DOCK2: variants seen among roughly 807,000 people sequenced by gnomAD.
The protein encoded by DOCK2 is dedicator of cytokinesis protein 2.
DOCK2 carries 87 observed loss-of-function variants against 248.9 expected under a neutral mutation model. That is an observed-to-expected ratio of 0.35 (90% CI 0.29 to 0.42). The LOEUF is 0.42. Ranked by LOEUF, DOCK2 falls within the 10% of genes least tolerant of loss-of-function variation. The pLI is 1.00. For missense variants in DOCK2, 1,747 were observed against 2,300.2 expected, an observed-to-expected ratio of 0.76 and a Z score of 4.92; for synonymous variants, 805 against 821.6, an observed-to-expected ratio of 0.98 and a Z score of 0.35.
At chr5:169,672,043 G>T (rs1373569395) in intron 5 of DOCK2, among the ~76,000 whole-genome samples, 2 of 151,516 alleles carry the variant, frequency 1.3e-5, no homozygotes, top group Non-Finnish European at 2.9e-5. Context: ...GTCTCGCTCT[G>T]TTGCCCAGGC....
At chr5:169,715,086 G>T (rs148238602) in intron 19 of DOCK2, among the ~76,000 whole-genome samples, 1,529 of 152,162 alleles carry the variant, frequency 0.01, 10 homozygotes, top group South Asian at 0.044. Flanking sequence ...TATTAAAGAC[G>T]GGAAAGGGAA....
chr5:169,819,030 T>A (rs1768249377), intron 26 of DOCK2, among the ~76,000 whole-genome samples: 1 of 152,180 alleles, frequency 6.6e-6, no homozygotes, highest in African/African-American at 2.4e-5. Context: ...AGTCGTCAAA[T>A]GTATTAGTAG....
chr5:169,651,536 G>C (rs941639111), intron 1 of DOCK2, among the ~76,000 whole-genome samples: 1 of 152,138 alleles, frequency 6.6e-6, no homozygotes, highest in African/African-American at 2.4e-5. Flanking sequence ...TGATTTGCTC[G>C]TGCTCCAGAG....
chr5:169,889,777 CTTTA>C (rs1773179881), intron 27 of DOCK2, among the ~76,000 whole-genome samples: 1 of 152,166 alleles, frequency 6.6e-6, no homozygotes, highest in Admixed American at 6.5e-5. Flanking sequence ...TCCAATAAAA[CTTTA>C]TTTATAAAAT....
intron 33 of DOCK2, among the ~76,000 whole-genome samples, chr5:170,020,782 G>A (rs1375311717): frequency 6.6e-6 from 1 of 152,232 alleles, no homozygotes; most frequent in Non-Finnish European, 1.5e-5. Context: ...TGCTAGAGCA[G>A]TGCTTTCCCT....
At chr5:169,779,290 A>G (rs1158096409) in intron 25 of DOCK2, 1 of 152,154 alleles carries the variant, frequency 6.6e-6, no homozygotes, top group African/African-American at 2.4e-5. Context: ...CCACATACCA[A>G]TTTACTTACC....
intron 27 of DOCK2, among the ~76,000 whole-genome samples, chr5:169,942,266 TTC>T (rs2113707585): frequency 6.6e-6 from 1 of 152,312 alleles, no homozygotes; most frequent in East Asian, 1.9e-4. Context: ...CCTTGGTCTA[TTC>T]TCTCTCTGCA....
chr5:170,038,632 C>T (rs969232126), intron 36 of DOCK2, among the ~76,000 whole-genome samples: 39 of 152,292 alleles, frequency 2.6e-4, no homozygotes, highest in African/African-American at 8.9e-4. Context: ...GACATCATCT[C>T]TATTCCCTAC....
At chr5:169,953,461 C>T (rs139015251) in intron 27 of DOCK2, among the ~76,000 whole-genome samples, 21 of 152,094 alleles carry the variant, frequency 1.4e-4, no homozygotes, top group Admixed American at 4.6e-4. Context: ...TCTCTAAACC[C>T]GCAATTCCCT....
chr5:169,987,863 C>G (rs969126281), intron 29 of DOCK2, among the ~76,000 whole-genome samples: 4 of 152,156 alleles, frequency 2.6e-5, no homozygotes, highest in Non-Finnish European at 5.9e-5. Context: ...TAGAACACAG[C>G]CTGGGCTTCA....
At chr5:169,907,100 C>T (rs139168922) in intron 27 of DOCK2, among the ~76,000 whole-genome samples, 10 of 152,214 alleles carry the variant, frequency 6.6e-5, no homozygotes, top group African/African-American at 1.4e-4. Flanking sequence ...GTTTTAGGAA[C>T]GCCAGTTGAA....
At chr5:169,787,996 C>G (rs1766093320) in intron 25 of DOCK2, among the ~76,000 whole-genome samples, 1 of 152,136 alleles carries the variant, frequency 6.6e-6, no homozygotes, top group South Asian at 2.1e-4. Context: ...TAAACTGATG[C>G]TTACCCATTT....
intron 22 of DOCK2, among the ~76,000 whole-genome samples, chr5:169,736,292 A>G (rs1380860816): frequency 6.6e-6 from 1 of 152,176 alleles, no homozygotes; most frequent in Non-Finnish European, 1.5e-5. Context: ...GTTTCAGGCC[A>G]GGTATGCACA....
At chr5:170,059,191 A>T (rs1220971040) in intron 44 of DOCK2, among the ~76,000 whole-genome samples, 1 of 74,058 alleles carries the variant, frequency 1.4e-5, no homozygotes, top group African/African-American at 5.2e-5. Context: ...AGCCCACCCC[A>T]GCAAGTAGTA....
At chr5:169,712,353 C>T in intron 17 of DOCK2, 130 bp downstream of exon 17, 2 of 686,062 alleles carry the variant, frequency 2.9e-6, no homozygotes, top group Non-Finnish European at 4.9e-6. Flanking sequence ...ACTTTGTGGC[C>T]TCTTATAAAC....
intron 46 of DOCK2, among the ~76,000 whole-genome samples, chr5:170,070,153 G>A (rs777401866): frequency 9.2e-5 from 14 of 152,264 alleles, no homozygotes; most frequent in Non-Finnish European, 1.3e-4. Flanking sequence ...CAGAACACAG[G>A]GGTGGGCTCC....
intron 27 of DOCK2, among the ~76,000 whole-genome samples, chr5:169,892,634 T>A (rs927371993): frequency 6.6e-6 from 1 of 152,208 alleles, no homozygotes; most frequent in African/African-American, 2.4e-5. Context: ...TCTAATTGCA[T>A]TTGTCACAGA....
chr5:170,060,322 A>T (rs1398537231), intron 44 of DOCK2, among the ~76,000 whole-genome samples: 6 of 152,224 alleles, frequency 3.9e-5, no homozygotes, highest in Admixed American at 3.9e-4. Flanking sequence ...TTGCAAAATG[A>T]TGGAACTTTA....
chr5:169,866,539 ATCT>A (rs2113434160), intron 27 of DOCK2, among the ~76,000 whole-genome samples: 1 of 152,356 alleles, frequency 6.6e-6, no homozygotes, highest in East Asian at 1.9e-4. Flanking sequence ...TTTATTGAGC[ATCT>A]TCTTTGTGGC....
Sources: allele counts gnomAD v4.1 joint callset (sites outside exome capture counted in the v4.1 genomes callset), GRCh38; gene constraint gnomAD v4.1.1; transcripts MANE v1.5; gene names NCBI Gene and HGNC (gene_info 2026-07-23, HGNC 2026-07-21).